ETFA: variants seen among roughly 807,000 people sequenced by gnomAD.
ETFA encodes electron transfer flavoprotein subunit alpha.
In ETFA, 22 loss-of-function variants were observed where a neutral mutation model predicts 46.2. The observed-to-expected ratio is 0.48, with a 90% confidence interval of 0.34 to 0.68. The LOEUF is 0.68. Ranked by LOEUF, ETFA falls within the 30% of genes least tolerant of loss-of-function variation. The pLI is 0.01. For synonymous variants in ETFA, 131 were observed against 139.9 expected (o/e 0.94, Z 0.45); for missense variants, 345 against 401.1 (o/e 0.86, Z 1.19).
chr15:76,308,802 T>C (rs1414570130), intron 1 of ETFA, among the ~76,000 whole-genome samples: 3 of 152,166 alleles, frequency 2.0e-5, no homozygotes, highest in Admixed American at 6.5e-5. Context: ...CCAATTACAG[T>C]GTAGTTAGAA....
At chr15:76,268,189 C>CAAAAAAAAAAAA (rs57096514) in intron 9 of ETFA, among the ~76,000 whole-genome samples, 2 of 107,076 alleles carry the variant, frequency 1.9e-5, no homozygotes, top group African/African-American at 3.2e-5. Flanking sequence ...CCAGCTACAG[C>CAAAAAAAAAAAA]AAAAAAAAAA....
At chr15:76,233,505 T>G (rs1567198286) in intron 9 of ETFA, among the ~76,000 whole-genome samples, 1 of 152,014 alleles carries the variant, frequency 6.6e-6, no homozygotes, top group East Asian at 1.9e-4. Flanking sequence ...AATTTTTGTA[T>G]TTTTAGTAGA....
chr15:76,271,424 T>C (rs1262563121), intron 9 of ETFA, among the ~76,000 whole-genome samples: 1 of 152,170 alleles, frequency 6.6e-6, no homozygotes, highest in African/African-American at 2.4e-5. Context: ...TTGAAGACAT[T>C]AGACAAATCC....
chr15:76,273,287 T>A (rs2039558078), intron 9 of ETFA, among the ~76,000 whole-genome samples: 1 of 152,190 alleles, frequency 6.6e-6, no homozygotes, highest in African/African-American at 2.4e-5. Context: ...CCGGGTGCGG[T>A]GGCTCACGCT....
At chr15:76,280,802 G>T (rs1352243004) in intron 8 of ETFA, among the ~76,000 whole-genome samples, 1 of 151,566 alleles carries the variant, frequency 6.6e-6, no homozygotes, top group South Asian at 2.1e-4. Flanking sequence ...GGCCAGATGT[G>T]TTCCTGCGTT....
chr15:76,311,210 C>A, intron 1 of ETFA, 140 bp downstream of exon 1: 1 of 1,008,304 alleles, frequency 9.9e-7, no homozygotes, highest in South Asian at 1.5e-5. Context: ...GAACTTTGGA[C>A]CCAAGTCCCA....
At chr15:76,260,541 C>T (rs111669673) in intron 9 of ETFA, 167,150 of 1,209,290 alleles carry the variant, frequency 0.14, 5 homozygotes, top group Middle Eastern at 0.17. Context: ...TACGATCAGG[C>T]CCTTTTGGGG....
chr15:76,221,609 C>T (rs2038957037), intron 11 of ETFA, among the ~76,000 whole-genome samples: 1 of 152,162 alleles, frequency 6.6e-6, no homozygotes. Flanking sequence ...AACAGGCAGG[C>T]TAATATTTGT....
At chr15:76,291,443 C>T (rs1337570576) in intron 4 of ETFA, among the ~76,000 whole-genome samples, 1 of 65,888 alleles carries the variant, frequency 1.5e-5, no homozygotes, top group Non-Finnish European at 2.9e-5. Flanking sequence ...AAGACTCCAT[C>T]TCGAAAAAAA....
rs533206112 is a variant in ETFA, at chr15:76,219,771, C to T, written c.964-3174G>A. 2.0e-5 allele frequency among the ~76,000 whole-genome samples: 3 copies of T among 152,248 alleles called. No homozygotes were observed. The South Asian group carries it at 6.2e-4, about 32-fold the overall frequency. On this transcript the variant is annotated intron_variant, in intron 11 of 11. Coordinates refer to ENST00000557943, the MANE Select transcript of ETFA (RefSeq NM_000126.4). The stretch of plus-strand genomic sequence containing the variant: ...TTATTAGGAAAACGCAAATCAAAGT[C>T]ACAATGAGACACCACTTCACACCTA...
Position 76,306,490 on chromosome 15 carries a change from T to C in ETFA, c.39+4860A>G, listed in dbSNP as rs1006338135. On this transcript the variant is annotated intron_variant, in intron 1 of 11. Coordinates refer to ENST00000557943, the MANE Select transcript of ETFA (RefSeq NM_000126.4). ...CATGTTGGTCAGGCTAATCTCAAAC[T>C]CCTGACCTCGTGATCCACCCACCTC... Among the ~76,000 whole-genome samples the C allele has an allele frequency of 2.0e-5, 3 of 151,850 alleles. No homozygotes were observed. The Middle Eastern group carries it at 0.01, about 516-fold the overall frequency.
In ETFA at chr15:76,215,535, G is replaced by A. The variant is rs1411486716; in HGVS notation, c.*1024C>T. 6.6e-6 allele frequency: 1 copy of A among 152,112 alleles called. No individual in the cohort carries two copies. Among genetic ancestry groups the A allele is most frequent in the Non-Finnish European group, 1.5e-5 (1 of 68,148 alleles). 9.4% of individuals were successfully genotyped at this position (152,112 alleles called of 1,614,324 possible). A position where few individuals can be genotyped will look rare whatever the true frequency, so the allele number is the denominator to read the frequency against. On this transcript the variant is annotated 3_prime_UTR_variant, in exon 12 of 12. Coordinates refer to ENST00000557943, the MANE Select transcript of ETFA (RefSeq NM_000126.4). ...CCAGGTCACTACTCCTACTTCTGCAGATCTGATTCAGGAGGGCAGCCCTCT... is the reference window on the plus strand; with the variant it reads ...CCAGGTCACTACTCCTACTTCTGCAAATCTGATTCAGGAGGGCAGCCCTCT...
chr15:76,294,827 G>A (rs2141542778), intron 2 of ETFA, among the ~76,000 whole-genome samples: 1 of 152,224 alleles, frequency 6.6e-6, no homozygotes, highest in African/African-American at 2.4e-5. Flanking sequence ...GGGATTATAG[G>A]CATGAGCCAC....
At chr15:76,290,972 T>C (rs908130632) in intron 4 of ETFA, among the ~76,000 whole-genome samples, 7 of 152,214 alleles carry the variant, frequency 4.6e-5, no homozygotes, top group Non-Finnish European at 8.8e-5. Context: ...TCCTAGCACT[T>C]TGGGAGGCTG....
At chr15:76,289,567 T>C (rs2039738089) in intron 4 of ETFA, among the ~76,000 whole-genome samples, 1 of 152,208 alleles carries the variant, frequency 6.6e-6, no homozygotes, top group South Asian at 2.1e-4. Flanking sequence ...GGGTGGATGG[T>C]ACACAGATAT....
chr15:76,265,400 T>C (rs2039461241), intron 9 of ETFA, among the ~76,000 whole-genome samples: 1 of 152,200 alleles, frequency 6.6e-6, no homozygotes. Flanking sequence ...ACAGGAGGCT[T>C]TGGTAGTACT....
At chr15:76,228,125 TAGTC>T (rs1282042846) in intron 10 of ETFA, 64 of 372,352 alleles carry the variant, frequency 1.7e-4, no homozygotes, top group Admixed American at 1.4e-3. Context: ...AGAGGCCACT[TAGTC>T]AGACATCTGG....
intron 4 of ETFA, among the ~76,000 whole-genome samples, chr15:76,289,577 T>G (rs930074610): frequency 6.6e-6 from 1 of 152,202 alleles, no homozygotes. Context: ...TACACAGATA[T>G]CTATCCTATT....
chr15:76,260,406 A>C, intron 9 of ETFA: 3 of 1,581,704 alleles, frequency 1.9e-6, no homozygotes, highest in Middle Eastern at 4.1e-4. Flanking sequence ...TAGCACACCA[A>C]GGACCACAGG....
Sources: allele counts gnomAD v4.1 joint callset (sites outside exome capture counted in the v4.1 genomes callset), GRCh38; gene constraint gnomAD v4.1.1; transcripts MANE v1.5; gene names NCBI Gene and HGNC (gene_info 2026-07-23, HGNC 2026-07-21).